The following DCDC1 variants were observed in gnomAD, a reference collection of about 807,000 sequenced individuals.
DCDC1 encodes the protein doublecortin domain-containing protein 1.
Under a neutral mutation model 178.3 loss-of-function variants are expected in DCDC1, and 200 were observed. The observed-to-expected ratio is 1.12, with a 90% CI of 1.00 to 1.26. The LOEUF is 1.26. DCDC1 is among the 50% of genes most tolerant of loss of function. The pLI is 0.00. For missense variants in DCDC1, 1,983 were observed against 1,749.2 expected (o/e 1.13, Z -2.38); for synonymous variants, 690 against 604.8 (o/e 1.14, Z -2.07).
intron 9 of DCDC1, among the ~76,000 whole-genome samples, chr11:31,148,837 A>G (rs936806392): frequency 2.0e-5 from 3 of 152,084 alleles, no homozygotes; most frequent in African/African-American, 7.2e-5. Flanking sequence ...ATTTTGGTGC[A>G]CCTGTCACCC....
chr11:30,921,693 T>G (rs1250959815), intron 24 of DCDC1, among the ~76,000 whole-genome samples: 2 of 152,154 alleles, frequency 1.3e-5, no homozygotes, highest in African/African-American at 4.8e-5. Flanking sequence ...CATGTCTTGA[T>G]TCTCTCTACA....
At chr11:31,133,854 C>T (rs375934492) in intron 10 of DCDC1, among the ~76,000 whole-genome samples, 3 of 152,108 alleles carry the variant, frequency 2.0e-5, no homozygotes, top group Non-Finnish European at 4.4e-5. Context: ...CAGGCATGCA[C>T]CAGCATGCTC....
intron 12 of DCDC1, among the ~76,000 whole-genome samples, chr11:31,109,725 T>C (rs1959079108): frequency 6.6e-6 from 1 of 152,156 alleles, no homozygotes; most frequent in Admixed American, 6.5e-5. Flanking sequence ...CTGTTCAGTG[T>C]CCTTTTATGC....
chr11:31,038,081 AG>A (rs1404413299), intron 20 of DCDC1, among the ~76,000 whole-genome samples: 3 of 39,074 alleles, frequency 7.7e-5, no homozygotes, highest in Non-Finnish European at 9.5e-5. Flanking sequence ...TTGTTGGGGG[AG>A]GGGGGAGGGA....
In DCDC1 at chr11:31,062,714, C is replaced by A. The variant is rs1019532288; in HGVS notation, c.2591+1755G>T. ...CACTTTTGCTATCTATCAGAAAAAA[C>A]GTTCCCTTCCTGTAAAAATTCCAGG... On this transcript the variant is annotated intron_variant, in intron 20 of 38. Transcript: ENST00000684477. Among the ~76,000 whole-genome samples the A allele has an allele frequency of 2.0e-5, 3 of 152,016 alleles. No individual in the cohort carries two copies. In the South Asian group the frequency reaches 6.2e-4, roughly 32 times the overall value.
chr11:31,059,773 A>C (rs1243116149), intron 20 of DCDC1, among the ~76,000 whole-genome samples: 3 of 152,108 alleles, frequency 2.0e-5, no homozygotes, highest in Non-Finnish European at 4.4e-5. Context: ...AAAGCAAATA[A>C]GAGTTACAAA....
At chr11:31,003,492 T>A (rs1045608319) in intron 20 of DCDC1, among the ~76,000 whole-genome samples, 2 of 152,070 alleles carry the variant, frequency 1.3e-5, no homozygotes, top group African/African-American at 4.8e-5. Flanking sequence ...AAGCACATCA[T>A]AGAAGAAACA....
chr11:30,909,169 T>A, intron 28 of DCDC1, 53 bp from the exon 29 acceptor site: 1 of 1,470,902 alleles, frequency 6.8e-7, no homozygotes, highest in Non-Finnish European at 9.1e-7. Flanking sequence ...AGGGTTATAG[T>A]GTCTTGTTTT....
chr11:31,295,325 G>A (rs548064963), intron 6 of DCDC1, among the ~76,000 whole-genome samples: 26 of 152,026 alleles, frequency 1.7e-4, no homozygotes, highest in Middle Eastern at 3.4e-3. Context: ...TGCAGAACCC[G>A]TGGATACAGA....
intron 21 of DCDC1, among the ~76,000 whole-genome samples, chr11:30,944,711 G>T (rs79109390): frequency 0.02 from 3,092 of 152,202 alleles, 93 homozygotes; most frequent in African/African-American, 0.07. Context: ...ATTTCAATAA[G>T]TAGGAGGACC....
rs745386801 is a variant in DCDC1 at position 31,103,763 on chromosome 11, T to C, written c.1758A>G (p.Pro586=). Residue 586 remains proline, a synonymous_variant, in exon 14 of 39, where the codon CCA becomes CCG. Transcript: ENST00000684477. ...WVSYGRAYRS[P]LNLALGLTFD... Reference sequence around the variant, plus strand: ...AGGTCAAACCCAAAGCAAGATTTAGTGGAGATCTGAAAAACGGATAAAACA... The same window carrying C: ...AGGTCAAACCCAAAGCAAGATTTAGCGGAGATCTGAAAAACGGATAAAACA... 2.6e-6 allele frequency: 2 copies of C among 761,264 alleles called. No homozygotes were observed. The highest frequency in any genetic ancestry group is 4.8e-6 in the Non-Finnish European group (2 of 416,680). 47.2% of individuals were successfully genotyped at this position (761,264 alleles called of 1,614,324 possible).
chr11:31,152,657 G>A (rs1965289925), intron 9 of DCDC1, among the ~76,000 whole-genome samples: 1 of 152,150 alleles, frequency 6.6e-6, no homozygotes. Context: ...TCACACATTT[G>A]TTGAAATTAT....
At chr11:31,339,360 C>T (rs1950430703) in intron 1 of DCDC1, among the ~76,000 whole-genome samples, 1 of 152,182 alleles carries the variant, frequency 6.6e-6, no homozygotes, top group Non-Finnish European at 1.5e-5. Flanking sequence ...ACTCACCAGA[C>T]ACTGCTGGTG....
At chr11:31,209,153 A>G (rs1395477827) in intron 9 of DCDC1, among the ~76,000 whole-genome samples, 4 of 152,230 alleles carry the variant, frequency 2.6e-5, no homozygotes, top group Admixed American at 2.6e-4. Flanking sequence ...TTAAACAGGT[A>G]CTAATTGTAG....
At chr11:31,199,440 C>T (rs1286929887) in intron 9 of DCDC1, among the ~76,000 whole-genome samples, 1 of 152,078 alleles carries the variant, frequency 6.6e-6, no homozygotes, top group African/African-American at 2.4e-5. Flanking sequence ...AATTTTCCAT[C>T]AAACTCAGAA....
At chr11:31,158,327 C>G (rs1039543022) in intron 9 of DCDC1, among the ~76,000 whole-genome samples, 8 of 151,738 alleles carry the variant, frequency 5.3e-5, no homozygotes, top group African/African-American at 1.9e-4. Flanking sequence ...CCATGTTAGC[C>G]AGGATGGTCT....
At chr11:31,031,443 T>A (rs1275305516) in intron 20 of DCDC1, among the ~76,000 whole-genome samples, 1 of 152,230 alleles carries the variant, frequency 6.6e-6, no homozygotes, top group Middle Eastern at 3.4e-3. Context: ...ATTATTATAC[T>A]TTTTTGGAGA....
At chr11:31,154,184 C>T (rs1965486731) in intron 9 of DCDC1, among the ~76,000 whole-genome samples, 1 of 152,150 alleles carries the variant, frequency 6.6e-6, no homozygotes, top group Non-Finnish European at 1.5e-5. Flanking sequence ...AGTAAGTTTC[C>T]TGAGGCCTCC....
chr11:30,915,770 C>G, intron 26 of DCDC1, 59 bp from the exon 27 acceptor site: 2 of 1,526,850 alleles, frequency 1.3e-6, no homozygotes, highest in Non-Finnish European at 1.8e-6. Flanking sequence ...TGATCATGCA[C>G]TTGATGTGCT....
Sources: allele counts gnomAD v4.1 joint callset (sites outside exome capture counted in the v4.1 genomes callset), GRCh38; gene constraint gnomAD v4.1.1; transcripts MANE v1.5; gene names NCBI Gene and HGNC (gene_info 2026-07-23, HGNC 2026-07-21).